RALGPS1: variants seen among roughly 807,000 people sequenced by gnomAD.
RALGPS1 encodes the protein Ral GEF with PH domain and SH3 binding motif 1.
In RALGPS1, 19 loss-of-function variants were observed where a neutral mutation model predicts 78.8. That is an observed-to-expected ratio of 0.24 (90% CI 0.17 to 0.35). RALGPS1 has a LOEUF of 0.35. Among genes scored for constraint, RALGPS1 ranks in the 10% least tolerant of loss-of-function variants. RALGPS1 has a pLI of 1.00. For synonymous variants in RALGPS1, 228 were observed against 256.3 expected, an observed-to-expected ratio of 0.89 and a Z score of 1.06; for missense variants, 454 against 688.3, an observed-to-expected ratio of 0.66 and a Z score of 3.81.
At chr9:126,938,752 C>A (rs2036495389) in intron 1 of RALGPS1, among the ~76,000 whole-genome samples, 1 of 152,240 alleles carries the variant, frequency 6.6e-6, no homozygotes, top group Non-Finnish European at 1.5e-5. Context: ...ACACACACTT[C>A]ACGACAAATG....
chr9:126,990,010 G>T, intron 4 of RALGPS1: 3 of 1,549,958 alleles, frequency 1.9e-6, no homozygotes, highest in Non-Finnish European at 2.6e-6. Flanking sequence ...CTGACCCTCT[G>T]GCCTTTTGTC....
At chr9:127,057,908 T>C (rs2048877373) in intron 7 of RALGPS1, among the ~76,000 whole-genome samples, 1 of 152,146 alleles carries the variant, frequency 6.6e-6, no homozygotes, top group Non-Finnish European at 1.5e-5. Flanking sequence ...AGCTGTCAAA[T>C]TGGAAGAAAA....
chr9:127,039,066 G>A (rs749721657), intron 5 of RALGPS1, among the ~76,000 whole-genome samples: 10 of 152,118 alleles, frequency 6.6e-5, no homozygotes, highest in Admixed American at 6.5e-4. Context: ...ATTTGAGTCC[G>A]GAAGTTGGGG....
chr9:127,213,218 T>C (rs567878564), intron 17 of RALGPS1, among the ~76,000 whole-genome samples, 169 bp downstream of exon 17: 9 of 152,326 alleles, frequency 5.9e-5, no homozygotes, highest in Non-Finnish European at 1.0e-4. Flanking sequence ...GCATAGATCA[T>C]GGTTGGCATG....
intron 13 of RALGPS1, 103 bp from the exon 14 acceptor site, chr9:127,198,912 G>A: frequency 1.0e-6 from 1 of 998,014 alleles, no homozygotes. Context: ...AGCAGTTTCT[G>A]TGGCACTTCT....
At position 127,220,719 on chromosome 9, in the gene RALGPS1, AGTC is replaced by A. The variant is rs1286331835; in HGVS notation, c.*1953_*1955del. 6.6e-6 allele frequency: 1 copy of A among 152,292 alleles called. No homozygotes were observed. Among genetic ancestry groups the A allele is most frequent in the Non-Finnish European group, 1.5e-5 (1 of 68,044 alleles). The allele number at this position is 152,292 out of a possible 1,614,324, so 9.4% of individuals were successfully genotyped here. Reference sequence around the variant, plus strand: ...TGATTCTACCTGTTAACTTTTAAAAAGTCGTAAGTTTGGATGAAAGTGCAAGAT... The same window carrying A: ...TGATTCTACCTGTTAACTTTTAAAAAGTAAGTTTGGATGAAAGTGCAAGAT... On this transcript the variant is annotated 3_prime_UTR_variant, in exon 19 of 19. Transcript: ENST00000259351.
chr9:126,941,544 C>T (rs2036793415), intron 1 of RALGPS1, among the ~76,000 whole-genome samples: 1 of 152,168 alleles, frequency 6.6e-6, no homozygotes, highest in African/African-American at 2.4e-5. Context: ...TTCTTTATCA[C>T]TTACCATGAG....
In RALGPS1 at chr9:126,992,410, TCTTCCACTC is replaced by T. The variant is rs543196479; in HGVS notation, c.216+14674_216+14682del. On this transcript the variant is annotated intron_variant, in intron 4 of 18. Coordinates refer to ENST00000259351, the MANE Select transcript of RALGPS1 (RefSeq NM_014636.3). ...ATACCTCTTTGCAATCCTTTCCTCC[TCTTCCACTC>T]CTTCCACTGTTCTTGAAATTAGGTA... 2.4e-3 allele frequency among the ~76,000 whole-genome samples: 364 copies of T among 152,358 alleles called. 1 individual carries two copies. Among genetic ancestry groups the T allele is most frequent in the African/African-American group, 8.2e-3 (342 of 41,584 alleles).
At chr9:127,053,072 G>C (rs1337526007) in intron 7 of RALGPS1, 133 bp downstream of exon 7, 1 of 669,844 alleles carries the variant, frequency 1.5e-6, no homozygotes, top group Non-Finnish European at 2.6e-6. Flanking sequence ...GTTGATGACA[G>C]TTCTGTAGGC....
At chr9:127,168,139 T>C (rs1041814694) in intron 9 of RALGPS1, among the ~76,000 whole-genome samples, 1 of 152,230 alleles carries the variant, frequency 6.6e-6, no homozygotes, top group Non-Finnish European at 1.5e-5. Flanking sequence ...CATGTTCAGG[T>C]GCCTGGACCC....
At chr9:127,057,991 C>G (rs1486102154) in intron 7 of RALGPS1, among the ~76,000 whole-genome samples, 2 of 152,200 alleles carry the variant, frequency 1.3e-5, no homozygotes, top group Non-Finnish European at 2.9e-5. Flanking sequence ...CCTTGCTTCC[C>G]TAGTGTCATG....
intron 8 of RALGPS1, chr9:127,107,929 G>T (rs146887662): frequency 2.6e-6 from 4 of 1,533,006 alleles, no homozygotes; most frequent in African/African-American, 1.4e-5. Flanking sequence ...CGGCTTGTCG[G>T]TGGAAGATGG....
intron 1 of RALGPS1, among the ~76,000 whole-genome samples, chr9:126,955,860 T>C (rs1292404801): frequency 6.6e-6 from 1 of 152,214 alleles, no homozygotes; most frequent in African/African-American, 2.4e-5. Flanking sequence ...TTCCCGTGGA[T>C]TGGCATGAAC....
chr9:127,187,158 A>G (rs1191533663), intron 11 of RALGPS1, among the ~76,000 whole-genome samples: 2 of 152,246 alleles, frequency 1.3e-5, no homozygotes, highest in East Asian at 1.9e-4. Context: ...GTCAAGGAAC[A>G]GGACTTGGAA....
intron 4 of RALGPS1, among the ~76,000 whole-genome samples, chr9:126,996,410 G>A (rs1338121085): frequency 4.6e-5 from 7 of 152,164 alleles, no homozygotes; most frequent in African/African-American, 1.7e-4. Flanking sequence ...ACACCTCTAC[G>A]CAAATAAACT....
At chr9:127,004,794 T>G (rs1468457152) in intron 4 of RALGPS1, among the ~76,000 whole-genome samples, 1 of 152,234 alleles carries the variant, frequency 6.6e-6, no homozygotes, top group East Asian at 1.9e-4. Context: ...TGTCAGTGGT[T>G]GCACGACATC....
rs73599207 is a variant in RALGPS1, at chr9:127,218,590, G to C, written c.1645-150G>C. The C allele has an allele frequency of 1.3e-6, 1 of 783,778 alleles. No individual in the cohort carries two copies. Among genetic ancestry groups the C allele is most frequent in the African/African-American group, 1.7e-5 (1 of 58,686 alleles). 48.6% of individuals were successfully genotyped at this position (783,778 alleles called of 1,614,324 possible). On this transcript the variant is annotated intron_variant, in intron 18 of 18. Coordinates refer to ENST00000259351, the MANE Select transcript of RALGPS1 (RefSeq NM_014636.3). This position sits in a 1 kb window ranked among gnomAD's most constrained non-coding sequence, Gnocchi z 4.4. Reference sequence around the variant, plus strand: ...GCACGCAGCTGCCACTTCACATGGGGTGGCTATTGTTATTGCCATACCCTC... The same window carrying C: ...GCACGCAGCTGCCACTTCACATGGGCTGGCTATTGTTATTGCCATACCCTC...
chr9:127,130,906 C>T (rs1401062807), intron 8 of RALGPS1, among the ~76,000 whole-genome samples: 3 of 152,206 alleles, frequency 2.0e-5, no homozygotes, highest in Admixed American at 6.5e-5. Flanking sequence ...CCCTGGGGAC[C>T]ATGTCATTTT....
At chr9:126,991,452 G>A (rs2042275939) in intron 4 of RALGPS1, among the ~76,000 whole-genome samples, 1 of 152,100 alleles carries the variant, frequency 6.6e-6, no homozygotes, top group East Asian at 1.9e-4. Context: ...TTCCTTTTAA[G>A]TGAATAAATA....
Sources: allele counts gnomAD v4.1 joint callset (sites outside exome capture counted in the v4.1 genomes callset), GRCh38; gene constraint gnomAD v4.1.1; non-coding constraint Gnocchi (gnomAD v3.1); transcripts MANE v1.5; gene names NCBI Gene and HGNC (gene_info 2026-07-23, HGNC 2026-07-21).